The following OR4F6 variants were observed in gnomAD, a reference collection of about 807,000 sequenced individuals.
OR4F6 encodes olfactory receptor 4F6.
Under a neutral mutation model 15.9 loss-of-function variants are expected in OR4F6, and 13 were observed. That is an observed-to-expected ratio of 0.82 (90% CI 0.53 to 1.30). The LOEUF is 1.30. Among genes scored for constraint, OR4F6 ranks in the 50% most tolerant of loss-of-function variants. OR4F6 has a pLI of 0.00. For missense variants in OR4F6, 426 were observed against 367.2 expected, an observed-to-expected ratio of 1.16 and a Z score of -1.31; for synonymous variants, 150 against 133.8, an observed-to-expected ratio of 1.12 and a Z score of -0.83.
chr15:101,805,463 G>A (rs1315500293), intron 1 of OR4F6, among the ~76,000 whole-genome samples: 4 of 151,938 alleles, frequency 2.6e-5, no homozygotes, highest in Non-Finnish European at 5.9e-5. Flanking sequence ...ATAAAACAAA[G>A]GTATCCATTC....
chr15:101,805,857 G>T lies in OR4F6; in HGVS notation c.138G>T (p.Val46=), dbSNP rs1567109503. The part of the protein sequence containing the change: ...VSSLMGNLLI[V]LTVTSDPRLQ... ...GCCTGATGGGAAATCTCCTCATTGT[G>T]CTAACTGTGACCTCTGACCCTCGTT... The change falls in exon 2 of 2, where the codon GTG becomes GTT. Residue 46 remains valine, a synonymous_variant. Coordinates refer to ENST00000328882, the MANE Select transcript of OR4F6 (RefSeq NM_001005326.2). 1 of 1,614,088 alleles carries T rather than the reference G, an allele frequency of 6.2e-7. No homozygotes were observed.
In OR4F6 at chr15:101,806,287, A is replaced by T. The variant is rs759699018; in HGVS notation, c.568A>T (p.Ile190Leu). 2.5e-6 allele frequency: 4 copies of T among 1,614,044 alleles called. No individual in the cohort carries two copies. The South Asian group carries it at 3.3e-5, about 13-fold the overall frequency. The part of the protein sequence containing the change: ...DLPRFIKLAC[I>L]ETYTLGFMVT... Reference sequence around the variant, plus strand: ...TCCTCGATTTATCAAACTGGCTTGCATAGAGACCTACACATTGGGATTCAT... The same window carrying T: ...TCCTCGATTTATCAAACTGGCTTGCTTAGAGACCTACACATTGGGATTCAT... The change falls in exon 2 of 2, where the codon ATA becomes TTA. Residue 190 changes from isoleucine to leucine, a missense_variant. Ile to Leu is a conservative substitution (Grantham distance 5). Transcript: ENST00000328882.
chr15:101,803,831 T>G (rs1309864287), intron 1 of OR4F6, among the ~76,000 whole-genome samples: 1 of 152,146 alleles, frequency 6.6e-6, no homozygotes, highest in Non-Finnish European at 1.5e-5. Context: ...AGTGGAAAAT[T>G]TGAGTCCAGT....
rs1902793804 is a variant in OR4F6 at position 101,805,983 on chromosome 15, G to A, written c.264G>A (p.Lys88=). The part of the protein sequence containing the change: ...APKMIYDLFR[K]HKTISFGGCV... ...AGATGATTTATGACCTTTTCAGGAA[G>A]CACAAGACCATCTCTTTTGGGGGCT... Residue 88 remains lysine (K), a synonymous_variant, in exon 2 of 2, where the codon AAG becomes AAA. Transcript: ENST00000328882. 6.2e-7 allele frequency: 1 copy of A among 1,614,000 alleles called. No homozygotes were observed. The highest frequency in any genetic ancestry group is 1.3e-5 in the African/African-American group (1 of 74,898).
In OR4F6 at chr15:101,806,046, A is replaced by T. The variant is rs548966912; in HGVS notation, c.327A>T (p.Gly109=). Residue 109 remains glycine (G), a synonymous_variant, in exon 2 of 2, where the codon GGA becomes GGT. Coordinates refer to ENST00000328882, the MANE Select transcript of OR4F6 (RefSeq NM_001005326.2). ...TCTTCTTTATCCATGCAGTTGGGGGAACTGAGATGGTGCTGCTCATAGCCA... is the reference window on the plus strand; with the variant it reads ...TCTTCTTTATCCATGCAGTTGGGGGTACTGAGATGGTGCTGCTCATAGCCA... ...VQIFFIHAVG[G]TEMVLLIAMA... 1 of 1,614,060 alleles carries T rather than the reference A, an allele frequency of 6.2e-7. No homozygotes were observed. Among genetic ancestry groups the T allele is most frequent in the Middle Eastern group, 1.6e-4 (1 of 6,062 alleles).
chr15:101,806,653 T>G lies in OR4F6; in HGVS notation c.934T>G (p.Phe312Val). Residue 312 changes from phenylalanine (F) to valine (V), a missense_variant, in exon 2 of 2, where the codon TTT becomes GTT. Phe to Val is a conservative substitution (Grantham distance 50). Transcript: ENST00000328882. ...CSQFVNYSKI[F>V] is the part of the protein sequence containing the mutation. ...TCAGTTTGTGAATTACAGTAAAATCTTTTAAATATATTGAGAATATACAAA... is the reference window on the plus strand; with the variant it reads ...TCAGTTTGTGAATTACAGTAAAATCGTTTAAATATATTGAGAATATACAAA... 6.5e-7 allele frequency: 1 copy of G among 1,549,142 alleles called. No individual in the cohort carries two copies. The highest frequency in any genetic ancestry group is 8.7e-7 in the Non-Finnish European group (1 of 1,147,266).
Position 101,806,542 on chromosome 15 carries a change from G to T in OR4F6, c.823G>T (p.Asp275Tyr). The part of the protein sequence containing the change: ...SHLDKFLAIF[D>Y]AVITPVLNPV... ...TCTTGATAAATTCCTTGCCATCTTTGATGCAGTTATCACTCCCGTTTTGAA... is the reference window on the plus strand; with the variant it reads ...TCTTGATAAATTCCTTGCCATCTTTTATGCAGTTATCACTCCCGTTTTGAA... Residue 275 changes from aspartate (D) to tyrosine (Y), a missense_variant, in exon 2 of 2, where the codon GAT becomes TAT. By Grantham distance (160) the Asp-to-Tyr change is radical (BLOSUM62 -3). Coordinates refer to ENST00000328882, the MANE Select transcript of OR4F6 (RefSeq NM_001005326.2). The T allele has an allele frequency of 6.2e-7, 1 of 1,613,692 alleles. No individual in the cohort carries two copies. The highest frequency in any genetic ancestry group is 8.5e-7 in the Non-Finnish European group (1 of 1,179,814).
rs756348133 is a variant in OR4F6, at chr15:101,806,009, G to A, written c.290G>A (p.Cys97Tyr). Residue 97 changes from cysteine (C) to tyrosine (Y), a missense_variant, in exon 2 of 2, where the codon TGT (cysteine) becomes TAT (tyrosine). Physicochemically the swap from Cys to Tyr is radical, Grantham distance 194 (BLOSUM62 -2). Coordinates refer to ENST00000328882, the MANE Select transcript of OR4F6 (RefSeq NM_001005326.2). Reference sequence around the variant, plus strand: ...CACAAGACCATCTCTTTTGGGGGCTGTGTAGTTCAGATCTTCTTTATCCAT... The same window carrying A: ...CACAAGACCATCTCTTTTGGGGGCTATGTAGTTCAGATCTTCTTTATCCAT... ...RKHKTISFGG[C>Y]VVQIFFIHAV... 5.6e-6 allele frequency: 9 copies of A among 1,614,148 alleles called. No individual in the cohort carries two copies. The East Asian group carries it at 2.0e-4, about 36-fold the overall frequency.
intron 1 of OR4F6, among the ~76,000 whole-genome samples, chr15:101,803,838 C>T (rs1371306889): frequency 6.6e-6 from 1 of 152,092 alleles, no homozygotes; most frequent in African/African-American, 2.4e-5. Context: ...AATTTGAGTC[C>T]AGTGCAAGTA....
chr15:101,804,024 T>G (rs1301094079), intron 1 of OR4F6, among the ~76,000 whole-genome samples: 6 of 152,252 alleles, frequency 3.9e-5, no homozygotes, highest in Admixed American at 3.9e-4. Flanking sequence ...CAACTTGTTC[T>G]GGAGCTTTAG....
intron 1 of OR4F6, among the ~76,000 whole-genome samples, chr15:101,804,515 T>C (rs1436607211): frequency 6.6e-6 from 1 of 152,212 alleles, no homozygotes; most frequent in African/African-American, 2.4e-5. Context: ...AACACAATCA[T>C]GAGCTTCAGA....
chr15:101,804,724 A>G (rs62027044), intron 1 of OR4F6, among the ~76,000 whole-genome samples: 4,878 of 152,328 alleles, frequency 0.032, 104 homozygotes, highest in Non-Finnish European at 0.041. Context: ...TAAGTTTTAA[A>G]TAGAGATAGA....
Position 101,805,787 on chromosome 15 carries a change from TC to T in OR4F6, c.70del (p.Gln24SerfsTer16). 6.2e-7 allele frequency: 1 copy of T among 1,614,108 alleles called. No homozygotes were observed. Among genetic ancestry groups the T allele is most frequent in the Non-Finnish European group, 8.5e-7 (1 of 1,179,976 alleles). On this transcript the variant is annotated frameshift_variant, in exon 2 of 2. Coordinates refer to ENST00000328882, the MANE Select transcript of OR4F6 (RefSeq NM_001005326.2). LOFTEE classifies it high-confidence loss of function. ...CTGGGACTCTCTGACTCGCGGAAGA[TC>T]CAGCTCCTCCTCTTCCTCTTTTTCT... Reference protein sequence around the residue: ...VFLGLSDSRKIQLLLFLFFSV... With the variant: ...VFLGLSDSRKXQLLLFLFFSV...
rs1902810636 is a variant in OR4F6, at chr15:101,806,542, G to A, written c.823G>A (p.Asp275Asn). The change falls in exon 2 of 2, where the codon GAT becomes AAT. Residue 275 changes from aspartate to asparagine, a missense_variant. By Grantham distance (23) the Asp-to-Asn change is conservative. Transcript: ENST00000328882. Reference protein sequence around the residue: ...SHLDKFLAIFDAVITPVLNPV... With the variant: ...SHLDKFLAIFNAVITPVLNPV... ...TCTTGATAAATTCCTTGCCATCTTTGATGCAGTTATCACTCCCGTTTTGAA... is the reference window on the plus strand; with the variant it reads ...TCTTGATAAATTCCTTGCCATCTTTAATGCAGTTATCACTCCCGTTTTGAA... 1 of 1,613,574 alleles carries A rather than the reference G, an allele frequency of 6.2e-7. No individual in the cohort carries two copies. Among genetic ancestry groups the A allele is most frequent in the African/African-American group, 1.3e-5 (1 of 74,856 alleles).
At chr15:101,805,658 C>A in intron 1 of OR4F6, 29 bp from the exon 2 acceptor site, 1 of 1,350,124 alleles carries the variant, frequency 7.4e-7, no homozygotes. Context: ...TGTCCTAAAT[C>A]AAAGTTTCTC....
At chr15:101,805,549 C>T in intron 1 of OR4F6, 138 bp from the exon 2 acceptor site, 1 of 594,338 alleles carries the variant, frequency 1.7e-6, no homozygotes, top group Non-Finnish European at 3.0e-6. Flanking sequence ...ATATGAGTTG[C>T]TTTGTGACTG....
rs868302386 is a variant in OR4F6 at position 101,806,014 on chromosome 15, G to A, written c.295G>A (p.Val99Ile). The A allele has an allele frequency of 6.2e-7, 1 of 1,614,040 alleles. No individual in the cohort carries two copies. The highest frequency in any genetic ancestry group is 1.7e-5 in the Admixed American group (1 of 59,996). ...HKTISFGGCV[V>I]QIFFIHAVGG... is the part of the protein sequence containing the mutation. ...GACCATCTCTTTTGGGGGCTGTGTA[G>A]TTCAGATCTTCTTTATCCATGCAGT... The change falls in exon 2 of 2, where the codon GTT becomes ATT. Residue 99 changes from valine (V) to isoleucine (I), a missense_variant. Val to Ile is a conservative substitution (Grantham distance 29). Coordinates refer to ENST00000328882, the MANE Select transcript of OR4F6 (RefSeq NM_001005326.2).
At position 101,805,918 on chromosome 15, in the gene OR4F6, T is replaced by G. The variant is rs749743061; in HGVS notation, c.199T>G (p.Ser67Ala). ...SPMYFLLANLSIINLVFCSST... is the reference protein window; with the variant it reads ...SPMYFLLANLAIINLVFCSST... ...CATGTACTTCCTGCTGGCCAACCTTTCCATCATCAATTTGGTATTTTGTTC... is the reference window on the plus strand; with the variant it reads ...CATGTACTTCCTGCTGGCCAACCTTGCCATCATCAATTTGGTATTTTGTTC... The change falls in exon 2 of 2, where the codon TCC becomes GCC. Residue 67 changes from serine (S) to alanine (A), a missense_variant. Physicochemically the swap from Ser to Ala is moderately conservative, Grantham distance 99 (BLOSUM62 1). Coordinates refer to ENST00000328882, the MANE Select transcript of OR4F6 (RefSeq NM_001005326.2). 6.2e-7 allele frequency: 1 copy of G among 1,614,120 alleles called. No individual in the cohort carries two copies. The highest frequency in any genetic ancestry group is 1.1e-5 in the South Asian group (1 of 91,068).
intron 1 of OR4F6, 84 bp from the exon 2 acceptor site, chr15:101,805,603 G>A: frequency 1.3e-6 from 1 of 744,846 alleles, no homozygotes; most frequent in Non-Finnish European, 2.2e-6. Flanking sequence ...CTAGTTTTCT[G>A]ACAACATATG....
Sources: allele counts gnomAD v4.1 joint callset (sites outside exome capture counted in the v4.1 genomes callset), GRCh38; gene constraint gnomAD v4.1.1; transcripts MANE v1.5; gene names NCBI Gene and HGNC (gene_info 2026-07-23, HGNC 2026-07-21).